VMP1: variants seen among roughly 807,000 people sequenced by gnomAD.
The protein encoded by VMP1 is ectopic P-granules autophagy protein 3 homolog.
Under a neutral mutation model 56.0 loss-of-function variants are expected in VMP1, and 11 were observed. That is an observed-to-expected ratio of 0.20 (90% CI 0.12 to 0.32). The LOEUF is 0.32. Ranked by LOEUF, VMP1 falls within the 10% of genes least tolerant of loss-of-function variation. The probability of loss-of-function intolerance (pLI) is 1.00; values close to 1 mark genes in which losing one functional copy is unlikely to be tolerated. For synonymous variants in VMP1, 149 were observed against 165.0 expected (o/e 0.90, Z 0.74); for missense variants, 296 against 490.3 (o/e 0.60, Z 3.74).
chr17:59,794,417 A>T (rs912754917), intron 7 of VMP1, among the ~76,000 whole-genome samples: 1 of 144,042 alleles, frequency 6.9e-6, no homozygotes, highest in Non-Finnish European at 1.5e-5. Context: ...ACGGGGTTTC[A>T]CCATGTTGGT....
chr17:59,765,465 C>G (rs1168392595), intron 6 of VMP1, among the ~76,000 whole-genome samples: 1 of 152,150 alleles, frequency 6.6e-6, no homozygotes, highest in Non-Finnish European at 1.5e-5. Flanking sequence ...AGTAGGAAAT[C>G]CACATATAAC....
intron 8 of VMP1, among the ~76,000 whole-genome samples, 155 bp downstream of exon 8, chr17:59,809,031 C>T (rs1394862925): frequency 1.3e-5 from 2 of 151,480 alleles, no homozygotes; most frequent in African/African-American, 4.9e-5. Context: ...CGGAGTCTCC[C>T]TCTTGTCACC....
At chr17:59,711,293 T>G (rs2033923692) in intron 1 of VMP1, among the ~76,000 whole-genome samples, 1 of 152,126 alleles carries the variant, frequency 6.6e-6, no homozygotes, top group African/African-American at 2.4e-5. Context: ...TTTTTTTTGG[T>G]TCCATTGATT....
chr17:59,753,234 T>G (rs1246021796), intron 5 of VMP1, among the ~76,000 whole-genome samples: 1 of 151,658 alleles, frequency 6.6e-6, no homozygotes, highest in Non-Finnish European at 1.5e-5. Flanking sequence ...ATCGCGCCAC[T>G]GCACTCTAGC....
intron 10 of VMP1, among the ~76,000 whole-genome samples, chr17:59,824,318 C>A (rs1348126500): frequency 6.6e-6 from 1 of 151,346 alleles, no homozygotes; most frequent in African/African-American, 2.4e-5. Flanking sequence ...ACATCTATAA[C>A]CCCAGCACTT....
intron 5 of VMP1, among the ~76,000 whole-genome samples, chr17:59,740,656 A>G (rs760543757): frequency 7.2e-5 from 11 of 152,242 alleles, no homozygotes; most frequent in Non-Finnish European, 1.5e-4. Context: ...AAACAGGGAC[A>G]TAAATCCTAG....
intron 7 of VMP1, among the ~76,000 whole-genome samples, chr17:59,790,869 C>T (rs2037200429): frequency 6.6e-6 from 1 of 152,188 alleles, no homozygotes; most frequent in Non-Finnish European, 1.5e-5. Flanking sequence ...CATTTCCTCT[C>T]ATATTTTTCA....
intron 6 of VMP1, among the ~76,000 whole-genome samples, chr17:59,773,055 A>G (rs952150758): frequency 2.3e-5 from 3 of 131,832 alleles, no homozygotes; most frequent in African/African-American, 5.6e-5. Context: ...TCCGCCTCCC[A>G]GGTTCAAGCA....
intron 7 of VMP1, among the ~76,000 whole-genome samples, chr17:59,787,679 G>A (rs2037052501): frequency 6.6e-6 from 1 of 152,014 alleles, no homozygotes; most frequent in Non-Finnish European, 1.5e-5. Context: ...AAAATTAGTG[G>A]GGCATGGTGG....
At chr17:59,752,909 T>C (rs1309909655) in intron 5 of VMP1, among the ~76,000 whole-genome samples, 1 of 152,218 alleles carries the variant, frequency 6.6e-6, no homozygotes, top group Non-Finnish European at 1.5e-5. Context: ...AGTATAACCA[T>C]TTTGTTATCT....
intron 2 of VMP1, among the ~76,000 whole-genome samples, chr17:59,733,510 C>T (rs1248321102): frequency 6.6e-6 from 1 of 151,692 alleles, no homozygotes; most frequent in Non-Finnish European, 1.5e-5. Context: ...CCAGCCTGGC[C>T]AACATGATGA....
chr17:59,793,688 G>A (rs143721752), intron 7 of VMP1, among the ~76,000 whole-genome samples: 5 of 112,048 alleles, frequency 4.5e-5, no homozygotes, highest in East Asian at 2.6e-4. Context: ...GTGCAGTGGC[G>A]TGATATTGTC....
rs1263213908 is a variant in VMP1, at chr17:59,840,821, G to A, written c.*910G>A. 2.6e-5 allele frequency: 4 copies of A among 152,514 alleles called. No individual in the cohort carries two copies. Among genetic ancestry groups the A allele is most frequent in the Admixed American group, 1.3e-4 (2 of 15,312 alleles). 9.4% of individuals were successfully genotyped at this position (152,514 alleles called of 1,614,324 possible). On this transcript the variant is annotated 3_prime_UTR_variant, in exon 12 of 12. Coordinates refer to ENST00000262291, the MANE Select transcript of VMP1 (RefSeq NM_030938.5). ...GGGGATTTCTTGGTTTGTGAAAACAGGAGAGGAGAAATATCTCATACAAGT... is the reference window on the plus strand; with the variant it reads ...GGGGATTTCTTGGTTTGTGAAAACAAGAGAGGAGAAATATCTCATACAAGT...
chr17:59,731,611 T>G, intron 2 of VMP1, 89 bp downstream of exon 2: 1 of 930,776 alleles, frequency 1.1e-6, no homozygotes, highest in Non-Finnish European at 1.5e-6. Flanking sequence ...TTACTTCTTT[T>G]ATTTTTAATC....
At chr17:59,756,019 G>A (rs2035829258) in intron 5 of VMP1, among the ~76,000 whole-genome samples, 1 of 152,144 alleles carries the variant, frequency 6.6e-6, no homozygotes, top group South Asian at 2.1e-4. Flanking sequence ...TTTCAAGCAT[G>A]AGACACTGTT....
intron 6 of VMP1, among the ~76,000 whole-genome samples, chr17:59,769,525 G>T (rs1419508109): frequency 1.3e-5 from 2 of 152,046 alleles, no homozygotes; most frequent in African/African-American, 4.8e-5. Flanking sequence ...CAGAATTTTT[G>T]TCTTTGAATA....
In VMP1 at chr17:59,821,539, C is replaced by CTTTTTTTTTT. The variant is rs530907168; in HGVS notation, c.974+3780_974+3789dup. 3.2e-4 allele frequency among the ~76,000 whole-genome samples: 33 copies of CTTTTTTTTTT among 104,686 alleles called. 4 individuals carry two copies. The highest frequency in any genetic ancestry group is 1.3e-3 in the African/African-American group (33 of 26,266). 68.7% of individuals were successfully genotyped at this position (104,686 alleles called of 152,430 possible). ...TACAGGGATTACCTCAGCTACTTTT[C>CTTTTTTTTTT]TTTTTTTTTTTTTTTTTTTTTTTGA... On this transcript the variant is annotated intron_variant, in intron 10 of 11. Transcript: ENST00000262291.
At position 59,841,132 on chromosome 17, in the gene VMP1, T is replaced by C. The variant is rs1192677882; in HGVS notation, c.*1221T>C. On this transcript the variant is annotated 3_prime_UTR_variant, in exon 12 of 12. Coordinates refer to ENST00000262291, the MANE Select transcript of VMP1 (RefSeq NM_030938.5). ...GCATTATGTCAGAATAGAATAGAAT[T>C]GGGGTTCGATCTTAACAGGCCAGAA... is the stretch of plus-strand genomic sequence containing the variant. The C allele has an allele frequency of 3.8e-6, 1 of 261,006 alleles. No homozygotes were observed. The highest frequency in any genetic ancestry group is 2.2e-5 in the African/African-American group (1 of 45,644). The allele number at this position is 261,006 out of a possible 1,614,324, so 16.2% of individuals were successfully genotyped here.
intron 7 of VMP1, among the ~76,000 whole-genome samples, chr17:59,793,023 T>C (rs2037298851): frequency 9.1e-6 from 1 of 110,144 alleles, no homozygotes. Context: ...TCCATCTCTT[T>C]TTTTTTTGAG....
Sources: gnomAD v4.1 joint callset for allele counts (sites outside exome capture counted in the v4.1 genomes callset) on GRCh38, gnomAD v4.1.1 for gene constraint, MANE v1.5 for transcripts, NCBI Gene and HGNC (gene_info 2026-07-23, HGNC 2026-07-21) for gene names.